KCNMA1: variants seen among roughly 807,000 people sequenced by gnomAD.
KCNMA1 encodes Calcium-activated potassium channel subunit alpha-1.
A neutral mutation model predicts 140.0 loss-of-function variants in KCNMA1; 29 were observed. The observed-to-expected ratio is 0.21, with a 90% confidence interval of 0.15 to 0.28. The LOEUF is 0.28. Among genes scored for constraint, KCNMA1 ranks in the 10% least tolerant of loss-of-function variants. KCNMA1 has a pLI of 1.00. For synonymous variants in KCNMA1, 612 were observed against 611.9 expected (o/e 1.00, Z 0.00); for missense variants, 880 against 1,602.2 (o/e 0.55, Z 7.70).
At chr10:77,632,216 G>A (rs2093298135) in intron 1 of KCNMA1, among the ~76,000 whole-genome samples, 1 of 152,040 alleles carries the variant, frequency 6.6e-6, no homozygotes. Context: ...TTTTCACAAG[G>A]TAATTTAAAA....
downstream of KCNMA1, among the ~76,000 whole-genome samples, chr10:76,881,612 G>T (rs565305960): frequency 6.6e-6 from 1 of 152,278 alleles, no homozygotes; most frequent in Admixed American, 6.5e-5. Flanking sequence ...CAAGGCAATT[G>T]CTGAAGCGTT....
intron 19 of KCNMA1, among the ~76,000 whole-genome samples, chr10:76,984,704 C>G (rs1038311430): frequency 2.2e-5 from 3 of 136,140 alleles, no homozygotes; most frequent in African/African-American, 7.8e-5. Context: ...GCAATCCAAT[C>G]TCAGTGCTGA....
At chr10:76,877,553 TC>T (rs2032620627), downstream of KCNMA1, 1 of 489,738 alleles carries the variant, frequency 2.0e-6, no homozygotes, top group Admixed American at 3.4e-5. Flanking sequence ...GAAATCATTT[TC>T]TTTTCCAAAA....
chr10:77,528,703 C>T (rs1320164452), intron 1 of KCNMA1, among the ~76,000 whole-genome samples: 1 of 151,642 alleles, frequency 6.6e-6, no homozygotes, highest in African/African-American at 2.4e-5. Flanking sequence ...GCGGAAACAA[C>T]ACAGATGTCC....
intron 19 of KCNMA1, among the ~76,000 whole-genome samples, chr10:76,982,328 GA>G (rs11317483): frequency 0.026 from 3,762 of 144,392 alleles, 170 homozygotes; most frequent in African/African-American, 0.09. Context: ...AATTGTTCAG[GA>G]AAAAAAAAAA....
At chr10:77,289,224 T>G (rs2072242970) in intron 2 of KCNMA1, among the ~76,000 whole-genome samples, 1 of 152,140 alleles carries the variant, frequency 6.6e-6, no homozygotes, top group Non-Finnish European at 1.5e-5. Context: ...CCTTTCCACC[T>G]TGAACCCAGC....
chr10:77,414,737 G>A (rs1566693951), intron 1 of KCNMA1, among the ~76,000 whole-genome samples: 1 of 151,906 alleles, frequency 6.6e-6, no homozygotes, highest in Non-Finnish European at 1.5e-5. Flanking sequence ...TGATCTGCCC[G>A]CCTCAGCCTC....
chr10:77,333,762 G>A (rs188976210), intron 2 of KCNMA1, among the ~76,000 whole-genome samples: 10 of 152,240 alleles, frequency 6.6e-5, no homozygotes, highest in Admixed American at 2.6e-4. Context: ...AGACTACTAC[G>A]GAGTGACTCC....
At chr10:77,312,832 T>C (rs2079698627) in intron 2 of KCNMA1, among the ~76,000 whole-genome samples, 1 of 152,198 alleles carries the variant, frequency 6.6e-6, no homozygotes, top group African/African-American at 2.4e-5. Flanking sequence ...TTCCATTGTA[T>C]GCATGAAGAA....
At chr10:76,878,202 C>A (rs909183473) in intron 29 of KCNMA1, among the ~76,000 whole-genome samples, 2 of 152,078 alleles carry the variant, frequency 1.3e-5, no homozygotes, top group African/African-American at 4.8e-5. Flanking sequence ...AATTTCATGG[C>A]CAGAAAAGGT....
chr10:77,117,503 C>A (rs561293112), intron 6 of KCNMA1, among the ~76,000 whole-genome samples: 1 of 118,122 alleles, frequency 8.5e-6, no homozygotes, highest in African/African-American at 3.3e-5. Context: ...GAGCTGAGAT[C>A]ACGCCCAGCC....
chr10:76,880,732 C>T (rs960020157), downstream of KCNMA1, among the ~76,000 whole-genome samples: 1 of 152,132 alleles, frequency 6.6e-6, no homozygotes, highest in East Asian at 1.9e-4. Context: ...AAATTGACCA[C>T]GAGGAAGAGG....
At chr10:77,200,484 TG>T (rs2042105687) in intron 3 of KCNMA1, among the ~76,000 whole-genome samples, 1 of 152,194 alleles carries the variant, frequency 6.6e-6, no homozygotes, top group Non-Finnish European at 1.5e-5. Context: ...CTTCAGGGCC[TG>T]CTGCTGTCAG....
At chr10:77,070,443 C>A (rs544679671) in intron 14 of KCNMA1, among the ~76,000 whole-genome samples, 1 of 152,306 alleles carries the variant, frequency 6.6e-6, no homozygotes, top group Admixed American at 6.5e-5. Flanking sequence ...ACAGACACGA[C>A]CGGCCTAGGG....
chr10:77,322,560 G>A (rs607459), intron 2 of KCNMA1, among the ~76,000 whole-genome samples: 25,573 of 152,194 alleles, frequency 0.17, 2,826 homozygotes, highest in Admixed American at 0.25. Flanking sequence ...TACGCTCTGC[G>A]AAGAAAAGAG....
intron 1 of KCNMA1, among the ~76,000 whole-genome samples, chr10:77,506,596 A>AGTGTGTGTGTGT (rs796386759): frequency 1.2e-5 from 1 of 83,564 alleles, no homozygotes; most frequent in African/African-American, 7.5e-5. Context: ...AGAGAGAGAG[A>AGTGTGTGTGTGT]GTGTGTGTGT....
intron 1 of KCNMA1, among the ~76,000 whole-genome samples, chr10:77,533,800 T>G (rs1336651058): frequency 6.6e-6 from 1 of 152,194 alleles, no homozygotes; most frequent in Admixed American, 6.5e-5. Flanking sequence ...ATCAGAAGGA[T>G]GAACTGTGGG....
At chr10:77,029,483 T>C (rs533989926) in intron 15 of KCNMA1, among the ~76,000 whole-genome samples, 5 of 152,344 alleles carry the variant, frequency 3.3e-5, no homozygotes, top group South Asian at 2.1e-4. Context: ...CTAAGGTCTC[T>C]AGCTAATACC....
intron 1 of KCNMA1, among the ~76,000 whole-genome samples, chr10:77,564,125 GCAGAAAACAAGGAA>G (rs1444545859): frequency 6.6e-6 from 1 of 152,198 alleles, no homozygotes; most frequent in Non-Finnish European, 1.5e-5. Context: ...ATTATACCGG[GCAGAAAACAAGGAA>G]CAAAAAGAGA....
Sources: gnomAD v4.1 joint callset for allele counts (sites outside exome capture counted in the v4.1 genomes callset) on GRCh38, gnomAD v4.1.1 for gene constraint, MANE v1.5 for transcripts, NCBI Gene and HGNC (gene_info 2026-07-23, HGNC 2026-07-21) for gene names.